Variants in REV3L observed in about 807,000 individuals in gnomAD.
The protein encoded by REV3L is DNA polymerase zeta catalytic subunit.
REV3L carries 69 observed loss-of-function variants against 299.4 expected under a neutral mutation model. The ratio of observed to expected loss-of-function variants is 0.23; its 90% CI spans 0.19 to 0.28. The LOEUF is 0.28. REV3L is among the 10% of genes least tolerant of loss of function. The pLI is 1.00. For synonymous variants in REV3L, 1,238 were observed against 1,271.4 expected, an observed-to-expected ratio of 0.97 and a Z score of 0.56; for missense variants, 3,128 against 3,693.8, an observed-to-expected ratio of 0.85 and a Z score of 3.97.
chr6:111,312,684 A>G (rs1773109805), intron 28 of REV3L: 1 of 152,262 alleles, frequency 6.6e-6, no homozygotes, highest in Non-Finnish European at 1.5e-5. Flanking sequence ...CAGTCTCCCG[A>G]GTAGCTGGGA....
chr6:111,401,616 T>C (rs531692568), intron 4 of REV3L, among the ~76,000 whole-genome samples: 4 of 152,362 alleles, frequency 2.6e-5, no homozygotes, highest in Admixed American at 2.6e-4. Flanking sequence ...CTAGTTTCAA[T>C]GCTTCAATAT....
At chr6:111,407,798 G>T (rs765166521) in intron 3 of REV3L, among the ~76,000 whole-genome samples, 1 of 151,998 alleles carries the variant, frequency 6.6e-6, no homozygotes, top group Non-Finnish European at 1.5e-5. Flanking sequence ...TTAGTCAGAC[G>T]TGGTGGTGGT....
In REV3L at chr6:111,331,739, T is replaced by G. The variant is rs142389657; in HGVS notation, c.7971A>C (p.Pro2657=). The change falls in exon 24 of 32, where the codon CCA becomes CCC. Residue 2657 remains proline, a synonymous_variant. Transcript: ENST00000368802. The part of the protein sequence containing the change: ...KFGCTSLRVP[P]DLLYQVRHDI... The stretch of plus-strand genomic sequence containing the variant: ...CATGCCTAACTTGGTAAAGTAAATC[T>G]GGAGGTACTCTCAGAGAGGTACAGC... 146 of 1,613,448 alleles carry G rather than the reference T, an allele frequency of 9.0e-5. No homozygotes were observed. Among genetic ancestry groups the G allele is most frequent in the Middle Eastern group, 6.6e-4 (4 of 6,056 alleles).
At chr6:111,471,971 C>A in intron 1 of REV3L, 1 of 1,070,726 alleles carries the variant, frequency 9.3e-7, no homozygotes, top group Non-Finnish European at 1.2e-6. Flanking sequence ...CTCACCCCCA[C>A]CCCCCTCACC....
rs773163272 is a variant in REV3L, at chr6:111,375,221, C to T, written c.3134G>A (p.Ser1045Asn). The stretch of plus-strand genomic sequence containing the variant: ...TTTATGTTTTGACTTTCTTCTGTGA[C>T]TTTTCTTTGGTGTTAGTGGATAAAT... ...YPIYPLTPKKSHRRKSKHKSA... is the reference protein window; with the variant it reads ...YPIYPLTPKKNHRRKSKHKSA... The change falls in exon 13 of 32, where the codon AGT (serine) becomes AAT (asparagine). Residue 1045 changes from serine to asparagine, a missense_variant. Coordinates refer to ENST00000368802, the MANE Select transcript of REV3L (RefSeq NM_001372078.1). The T allele has an allele frequency of 6.2e-7, 1 of 1,612,190 alleles. No homozygotes were observed.
At chr6:111,459,155 C>A (rs1790476466) in intron 1 of REV3L, among the ~76,000 whole-genome samples, 1 of 151,994 alleles carries the variant, frequency 6.6e-6, no homozygotes, top group African/African-American at 2.4e-5. Flanking sequence ...TGATGTTCAA[C>A]AAAGTTGACA....
chr6:111,430,189 C>A (rs1374825030), intron 1 of REV3L: 5 of 804,860 alleles, frequency 6.2e-6, no homozygotes, highest in African/African-American at 5.0e-5. Context: ...AAGCCTCTCA[C>A]AAGCACTTTA....
intron 1 of REV3L, among the ~76,000 whole-genome samples, chr6:111,466,947 T>G (rs1404364111): frequency 6.6e-6 from 1 of 152,198 alleles, no homozygotes; most frequent in African/African-American, 2.4e-5. Flanking sequence ...AAAAACTTCC[T>G]TTCAATTTTC....
At chr6:111,360,215 A>C (rs1359247479) in intron 16 of REV3L, among the ~76,000 whole-genome samples, 1 of 152,174 alleles carries the variant, frequency 6.6e-6, no homozygotes, top group Non-Finnish European at 1.5e-5. Flanking sequence ...TAATATAAAA[A>C]GATCACTATA....
intron 21 of REV3L, 120 bp downstream of exon 21, chr6:111,343,805 C>A (rs1776767037): frequency 3.2e-6 from 2 of 624,832 alleles, no homozygotes; most frequent in Non-Finnish European, 5.1e-6. Context: ...GCTAGGATTA[C>A]AGGCGTAAGC....
At chr6:111,304,868 T>C (rs920394914) in intron 31 of REV3L, among the ~76,000 whole-genome samples, 1 of 152,124 alleles carries the variant, frequency 6.6e-6, no homozygotes, top group African/African-American at 2.4e-5. Context: ...TTTCTGTTTC[T>C]GCGTTAATTT....
intron 1 of REV3L, among the ~76,000 whole-genome samples, chr6:111,422,661 TA>T (rs1785650848): frequency 1.9e-5 from 1 of 52,384 alleles, no homozygotes; most frequent in African/African-American, 5.2e-5. Flanking sequence ...TATATATATA[TA>T]CATATATATA....
At chr6:111,306,258 G>C (rs1562480189) in intron 31 of REV3L, among the ~76,000 whole-genome samples, 1 of 152,170 alleles carries the variant, frequency 6.6e-6, no homozygotes, top group Non-Finnish European at 1.5e-5. Flanking sequence ...GGGTGGGATA[G>C]GTAGAGGAAA....
chr6:111,309,615 T>G (rs1042973679), intron 30 of REV3L: 10 of 366,094 alleles, frequency 2.7e-5, no homozygotes, highest in African/African-American at 6.3e-5. Flanking sequence ...TGGTAACATT[T>G]GGGCATGAAA....
rs1264571611 is a variant in REV3L, at chr6:111,299,335, T to A, written c.*681A>T. 1 of 152,524 alleles carries A rather than the reference T, an allele frequency of 6.6e-6. No homozygotes were observed. The highest frequency in any genetic ancestry group is 1.9e-4 in the East Asian group (1 of 5,206). 9.4% of individuals were successfully genotyped at this position (152,524 alleles called of 1,614,324 possible). ...GTATTGCAACAGGCCCACAGGTTTG[T>A]AACAAAAATGTCTTTGCACAGTTCC... On this transcript the variant is annotated 3_prime_UTR_variant, in exon 32 of 32. Transcript: ENST00000368802.
intron 5 of REV3L, among the ~76,000 whole-genome samples, chr6:111,391,273 C>G (rs1171230738): frequency 6.6e-6 from 1 of 151,990 alleles, no homozygotes; most frequent in South Asian, 2.1e-4. Flanking sequence ...ACCATGTTGG[C>G]CAGGCTGGTC....
chr6:111,354,072 T>G (rs1361724336), intron 18 of REV3L: 1 of 152,228 alleles, frequency 6.6e-6, no homozygotes, highest in Non-Finnish European at 1.5e-5. Context: ...GTGGCCACAG[T>G]TGACCTTGAT....
intron 5 of REV3L, among the ~76,000 whole-genome samples, chr6:111,392,300 T>C (rs1782013679): frequency 6.6e-6 from 1 of 152,088 alleles, no homozygotes; most frequent in South Asian, 2.1e-4. Context: ...AATTAAAAAT[T>C]AGCACCAGTA....
At chr6:111,413,357 TAGTTTTTTA>T (rs1177335585) in intron 2 of REV3L, among the ~76,000 whole-genome samples, 1 of 152,092 alleles carries the variant, frequency 6.6e-6, no homozygotes, top group Non-Finnish European at 1.5e-5. Flanking sequence ...ATCTCGTAAT[TAGTTTTTTA>T]AGTATATCAA....
Sources: allele counts gnomAD v4.1 joint callset (sites outside exome capture counted in the v4.1 genomes callset), GRCh38; gene constraint gnomAD v4.1.1; transcripts MANE v1.5; gene names NCBI Gene and HGNC (gene_info 2026-07-23, HGNC 2026-07-21).